Variants in ERGIC1 observed in about 807,000 individuals in gnomAD.
ERGIC1 encodes the protein endoplasmic reticulum-Golgi intermediate compartment protein 1.
ERGIC1 carries 19 observed loss-of-function variants against 38.3 expected under a neutral mutation model. The observed-to-expected ratio is 0.50, with a 90% CI of 0.35 to 0.73. The LOEUF (loss-of-function observed/expected upper bound fraction) is 0.73, where lower values mean the gene tolerates loss of function less well. Among genes scored for constraint, ERGIC1 ranks in the 30% least tolerant of loss-of-function variants. The pLI is 0.01. For missense variants in ERGIC1, 294 were observed against 389.2 expected, an observed-to-expected ratio of 0.76 and a Z score of 2.06; for synonymous variants, 124 against 157.6, an observed-to-expected ratio of 0.79 and a Z score of 1.60.
rs143895544 is a variant in ERGIC1 at position 172,868,711 on chromosome 5, G to C, written c.21-19988G>C. Among the ~76,000 whole-genome samples the C allele has an allele frequency of 7.2e-3, 1,102 of 152,322 alleles. 12 individuals are homozygous for C. The highest frequency in any genetic ancestry group is 0.025 in the African/African-American group (1,048 of 41,568). On this transcript the variant is annotated intron_variant, in intron 1 of 9. Transcript: ENST00000393784. ...TCAAGTATGGACTTTGGGAGACAATGATGAGTCAGTGTTCATTCATCAATC... is the reference window on the plus strand; with the variant it reads ...TCAAGTATGGACTTTGGGAGACAATCATGAGTCAGTGTTCATTCATCAATC...
chr5:172,923,360 A>AGGAGGAGGG (rs199959361), intron 5 of ERGIC1, among the ~76,000 whole-genome samples: 9 of 110,148 alleles, frequency 8.2e-5, no homozygotes, highest in South Asian at 3.3e-4. Flanking sequence ...AGCATCTGGG[A>AGGAGGAGGG]GGAGGAGGGG....
chr5:172,855,494 G>A (rs1761524358), intron 1 of ERGIC1, among the ~76,000 whole-genome samples: 1 of 152,218 alleles, frequency 6.6e-6, no homozygotes, highest in South Asian at 2.1e-4. Context: ...CACAGACATG[G>A]TCCCCACTGT....
chr5:172,837,719 G>A lies in ERGIC1; in HGVS notation c.20+3286G>A, dbSNP rs73323163. On this transcript the variant is annotated intron_variant, in intron 1 of 9. Coordinates refer to ENST00000393784, the MANE Select transcript of ERGIC1 (RefSeq NM_001031711.3). The surrounding 1 kb of genome is among the most constrained non-coding windows in gnomAD (Gnocchi z 4.3). ...TTGGGGTTAAGGAAGGAGGCAGAAC[G>A]CAGGGGAGGGAGGCTGAGCTTTCAA... is the stretch of plus-strand genomic sequence containing the variant. Among the ~76,000 whole-genome samples the A allele has an allele frequency of 3.5e-3, 536 of 152,350 alleles. 1 individual carries two copies. The highest frequency in any genetic ancestry group is 0.012 in the African/African-American group (502 of 41,582).
intron 1 of ERGIC1, among the ~76,000 whole-genome samples, chr5:172,868,225 A>G (rs1295498744): frequency 6.6e-6 from 1 of 152,296 alleles, no homozygotes; most frequent in East Asian, 1.9e-4. Context: ...CATTTTACAG[A>G]TGTAAAACAC....
At position 172,932,426 on chromosome 5, in the gene ERGIC1, C is replaced by A. The variant is rs759267145; in HGVS notation, c.542-10C>A. The A allele has an allele frequency of 2.4e-5, 38 of 1,613,762 alleles. No individual in the cohort carries two copies. In the South Asian group the frequency reaches 4.2e-4, roughly 18 times the overall value. ...TCCCCCTGCTTCATTCTGCTGTGTCCTTCCCGCAGCCCTGGCCTCCCACGA... is the reference window on the plus strand; with the variant it reads ...TCCCCCTGCTTCATTCTGCTGTGTCATTCCCGCAGCCCTGGCCTCCCACGA... On this transcript the variant is annotated splice_polypyrimidine_tract_variant and intron_variant, in intron 7 of 9. Transcript: ENST00000393784.
Position 172,951,187 on chromosome 5 carries a change from G to A in ERGIC1, c.*371G>A, listed in dbSNP as rs1189828436. On this transcript the variant is annotated 3_prime_UTR_variant, in exon 10 of 10. Transcript: ENST00000393784. ...CTCTCAGCCAGGCTTCGACAATCTC[G>A]CAGCCCCCACTAGGTGGACACATTA... 4.2e-5 allele frequency: 7 copies of A among 166,402 alleles called. No individual in the cohort carries two copies. The highest frequency in any genetic ancestry group is 1.9e-4 in the Admixed American group (3 of 15,666). The allele number at this position is 166,402 out of a possible 1,614,324, so 10.3% of individuals were successfully genotyped here. A position where few individuals can be genotyped will look rare whatever the true frequency, so the allele number is the denominator to read the frequency against.
chr5:172,891,119 C>T (rs545931505), intron 2 of ERGIC1, among the ~76,000 whole-genome samples: 1 of 152,364 alleles, frequency 6.6e-6, no homozygotes, highest in Non-Finnish European at 1.5e-5. Context: ...CACGTACTAA[C>T]CCCTCAGTGC....
chr5:172,841,210 C>A (rs1044587828), intron 1 of ERGIC1, among the ~76,000 whole-genome samples: 1 of 152,174 alleles, frequency 6.6e-6, no homozygotes, highest in Non-Finnish European at 1.5e-5. Flanking sequence ...AGGAAAAAAA[C>A]CTCCAACGCT....
intron 1 of ERGIC1, among the ~76,000 whole-genome samples, chr5:172,885,056 G>A (rs916132289): frequency 1.3e-5 from 2 of 152,112 alleles, no homozygotes; most frequent in African/African-American, 4.8e-5. Flanking sequence ...AGCCACTGCT[G>A]CCTCCTCACC....
chr5:172,867,206 TG>T (rs1490141005), intron 1 of ERGIC1: 36 of 455,574 alleles, frequency 7.9e-5, no homozygotes, highest in Non-Finnish European at 1.4e-4. Flanking sequence ...ACCTGGAAAG[TG>T]GGGATGCTGG....
chr5:172,914,332 A>G (rs1177231881), intron 4 of ERGIC1, among the ~76,000 whole-genome samples: 1 of 151,816 alleles, frequency 6.6e-6, no homozygotes, highest in Non-Finnish European at 1.5e-5. Flanking sequence ...GACCCTAAGC[A>G]TTTTCTACAT....
chr5:172,866,527 G>A (rs993250608), intron 1 of ERGIC1, among the ~76,000 whole-genome samples: 2 of 152,206 alleles, frequency 1.3e-5, no homozygotes, highest in Non-Finnish European at 2.9e-5. Flanking sequence ...CTGCAGCTGC[G>A]TCACAGGGGA....
At chr5:172,911,353 C>T (rs1366407490) in intron 4 of ERGIC1, among the ~76,000 whole-genome samples, 1 of 152,100 alleles carries the variant, frequency 6.6e-6, no homozygotes, top group Non-Finnish European at 1.5e-5. Flanking sequence ...TCAGGAGTGA[C>T]TGTATCTCTG....
At chr5:172,920,332 C>T (rs1664041145) in intron 5 of ERGIC1, 1 of 717,720 alleles carries the variant, frequency 1.4e-6, no homozygotes, top group Non-Finnish European at 2.6e-6. Context: ...CAGGCTGAGA[C>T]TTGTCCCATG....
chr5:172,882,922 GTGA>G (rs896232201), intron 1 of ERGIC1, among the ~76,000 whole-genome samples: 1 of 152,064 alleles, frequency 6.6e-6, no homozygotes, highest in South Asian at 2.1e-4. Context: ...TGGGGTGGTG[GTGA>G]TGATGATGAT....
At chr5:172,911,102 C>T (rs894135283) in intron 4 of ERGIC1, among the ~76,000 whole-genome samples, 1 of 152,152 alleles carries the variant, frequency 6.6e-6, no homozygotes, top group African/African-American at 2.4e-5. Flanking sequence ...GAGCCTGCTG[C>T]AGGCCCTTCT....
intron 3 of ERGIC1, among the ~76,000 whole-genome samples, chr5:172,908,047 C>T (rs1395169494): frequency 2.0e-5 from 3 of 151,822 alleles, no homozygotes; most frequent in Middle Eastern, 3.4e-3. Flanking sequence ...TAAATATGGC[C>T]GATGCGGTCG....
intron 1 of ERGIC1, among the ~76,000 whole-genome samples, chr5:172,858,239 G>A (rs1052244575): frequency 9.9e-5 from 15 of 152,182 alleles, no homozygotes; most frequent in East Asian, 1.9e-4. Context: ...CAGGTCGGCC[G>A]GCTGAAGCGG....
chr5:172,855,952 C>A (rs1038128803), intron 1 of ERGIC1, among the ~76,000 whole-genome samples: 2 of 152,234 alleles, frequency 1.3e-5, no homozygotes, highest in African/African-American at 4.8e-5. Flanking sequence ...CTCTTTAATT[C>A]ACATTTTCCA....
Sources: allele counts gnomAD v4.1 joint callset (sites outside exome capture counted in the v4.1 genomes callset), GRCh38; gene constraint gnomAD v4.1.1; non-coding constraint Gnocchi (gnomAD v3.1); transcripts MANE v1.5; gene names NCBI Gene and HGNC (gene_info 2026-07-23, HGNC 2026-07-21).